Variants in SERPINB13 observed in about 807,000 individuals in gnomAD.
The protein encoded by SERPINB13 is serpin family B member 13, also known as serpin B13.
In SERPINB13, 26 loss-of-function variants were observed where a neutral mutation model predicts 31.2. That is an observed-to-expected ratio of 0.83 (90% CI 0.61 to 1.15). The LOEUF is 1.15. Among genes scored for constraint, SERPINB13 ranks in the 50% most tolerant of loss-of-function variants. The pLI, the probability that SERPINB13 is intolerant of heterozygous loss-of-function variation, is 0.00. For synonymous variants in SERPINB13, 191 were observed against 172.4 expected (o/e 1.11, Z -0.85); for missense variants, 510 against 469.4 (o/e 1.09, Z -0.80).
Position 63,597,429 on chromosome 18 carries a change from A to T in SERPINB13, c.*66A>T, listed in dbSNP as rs931215146. 1 of 1,478,610 alleles carries T rather than the reference A, an allele frequency of 6.8e-7. No individual in the cohort carries two copies. The highest frequency in any genetic ancestry group is 1.4e-5 in the African/African-American group (1 of 71,142). 91.6% of individuals were successfully genotyped at this position (1,478,610 alleles called of 1,614,324 possible). ...AACTACCAGTGTTACTCATATGATTATGAAAATCGTCCATTCTTTTAAATG... is the reference window on the plus strand; with the variant it reads ...AACTACCAGTGTTACTCATATGATTTTGAAAATCGTCCATTCTTTTAAATG... On this transcript the variant is annotated 3_prime_UTR_variant, in exon 8 of 8. Transcript: ENST00000344731.
chr18:63,596,805 C>T lies in SERPINB13; in HGVS notation c.772-154C>T, dbSNP rs569600636. ...TTTAAACAGAGAGATATAAGACAAC[C>T]GCCTGCAGTATAAAGACAACAATCT... On this transcript the variant is annotated intron_variant, in intron 7 of 7. Transcript: ENST00000344731. Among the ~76,000 whole-genome samples the T allele has an allele frequency of 3.0e-3, 461 of 152,182 alleles. 3 individuals are homozygous for T. The highest frequency in any genetic ancestry group is 0.013 in the South Asian group (62 of 4,808).
intron 2 of SERPINB13, among the ~76,000 whole-genome samples, 156 bp downstream of exon 2, chr18:63,588,988 C>T (rs1384729497): frequency 6.6e-6 from 1 of 152,120 alleles, no homozygotes; most frequent in Non-Finnish European, 1.5e-5. Flanking sequence ...TCAGGTCTAT[C>T]AGGAAAGCCC....
chr18:63,597,392 T>A lies in SERPINB13; in HGVS notation c.*29T>A. The A allele has an allele frequency of 6.4e-7, 1 of 1,571,680 alleles. No homozygotes were observed. The highest frequency in any genetic ancestry group is 1.8e-5 in the Admixed American group (1 of 54,754). On this transcript the variant is annotated 3_prime_UTR_variant, in exon 8 of 8. Coordinates refer to ENST00000344731, the MANE Select transcript of SERPINB13 (RefSeq NM_012397.4). The stretch of plus-strand genomic sequence containing the variant: ...GATCGTTGCCATGGCATTGCTGCTT[T>A]TAGCAAAAAACAACTACCAGTGTTA...
At chr18:63,592,746 C>T (rs1474293422) in intron 4 of SERPINB13, 108 bp from the exon 5 acceptor site, 3 of 790,608 alleles carry the variant, frequency 3.8e-6, no homozygotes, top group Non-Finnish European at 6.1e-6. Flanking sequence ...TAAAATTTCT[C>T]TTACTGTATT....
rs1283713668 is a variant in SERPINB13, at chr18:63,587,846, G to A, written c.-18+396G>A. 4.6e-5 allele frequency among the ~76,000 whole-genome samples: 7 copies of A among 152,286 alleles called. No individual in the cohort carries two copies. The East Asian group carries it at 9.6e-4, about 21-fold the overall frequency. On this transcript the variant is annotated intron_variant, in intron 1 of 7. Transcript: ENST00000344731. ...TAGTTTTAAAGTAGTTGGTAATGAA[G>A]CAAACATAAAAACAGTTCTACCTAT...
At chr18:63,594,188 G>A in intron 5 of SERPINB13, 167 bp from the exon 6 acceptor site, 3 of 1,524,054 alleles carry the variant, frequency 2.0e-6, no homozygotes, top group Non-Finnish European at 2.7e-6. Flanking sequence ...GGCAAAATGA[G>A]AACCTCCCCG....
rs772907006 is a variant in SERPINB13 at position 63,588,759 on chromosome 18, CT to C, written c.93del (p.Val32TrpfsTer4). 14 of 1,614,150 alleles carry C rather than the reference CT, an allele frequency of 8.7e-6. No homozygotes were observed. The East Asian group carries it at 2.9e-4, about 33-fold the overall frequency. On this transcript the variant is annotated frameshift_variant, in exon 2 of 8. Transcript: ENST00000344731. LOFTEE classifies it high-confidence loss of function. ...KTNDGNIFFS[P>X]VGILTAIGMV... ...AATGATGGCAACATCTTCTTTTCCCCTGTGGGCATCTTGACTGCAATTGGCA... is the reference window on the plus strand; with the variant it reads ...AATGATGGCAACATCTTCTTTTCCCCGTGGGCATCTTGACTGCAATTGGCA...
Position 63,597,517 on chromosome 18 carries a change from G to C in SERPINB13, c.*154G>C. The C allele has an allele frequency of 1.2e-6, 1 of 802,350 alleles. No individual in the cohort carries two copies. Among genetic ancestry groups the C allele is most frequent in the Non-Finnish European group, 1.9e-6 (1 of 516,418 alleles). 49.7% of individuals were successfully genotyped at this position (802,350 alleles called of 1,614,324 possible). A position where few individuals can be genotyped will look rare whatever the true frequency, so the allele number is the denominator to read the frequency against. On this transcript the variant is annotated 3_prime_UTR_variant, in exon 8 of 8. Transcript: ENST00000344731. ...AATGATTTAATGACTCCAATAATGTGTGTGTTTATAACCATCCTCGAAAGT... is the reference window on the plus strand; with the variant it reads ...AATGATTTAATGACTCCAATAATGTCTGTGTTTATAACCATCCTCGAAAGT...
intron 3 of SERPINB13, 70 bp from the exon 4 acceptor site, chr18:63,592,278 T>A (rs564411589): frequency 7.0e-5 from 107 of 1,529,936 alleles, no homozygotes; most frequent in Non-Finnish European, 9.1e-5. Context: ...AGCAGCCGCA[T>A]CCTCTTAGGG....
chr18:63,589,602 G>A (rs1430246036), intron 2 of SERPINB13, 54 bp from the exon 3 acceptor site: 6 of 1,593,836 alleles, frequency 3.8e-6, no homozygotes, highest in Admixed American at 1.8e-5. Flanking sequence ...GACTGATTCT[G>A]TGTGAGGTTT....
Position 63,592,884 on chromosome 18 carries a change from C to A in SERPINB13, c.385C>A (p.His129Asn), listed in dbSNP as rs771394755. 1 of 1,606,704 alleles carries A rather than the reference C, an allele frequency of 6.2e-7. No individual in the cohort carries two copies. The highest frequency in any genetic ancestry group is 8.5e-7 in the Non-Finnish European group (1 of 1,175,828). The part of the protein sequence containing the change: ...KYLDYVEKYY[H>N]ASLEPVDFVN... ...CTTAGATTATGTTGAAAAATATTAT[C>A]ATGCATCTCTGGAACCTGTTGATTT... Residue 129 changes from histidine to asparagine, a missense_variant, in exon 5 of 8, where the codon CAT becomes AAT. By Grantham distance (68) the His-to-Asn change is moderately conservative (BLOSUM62 1). Coordinates refer to ENST00000344731, the MANE Select transcript of SERPINB13 (RefSeq NM_012397.4).
At chr18:63,595,267 G>T (rs1484001661) in intron 7 of SERPINB13, 83 bp downstream of exon 7, 1 of 1,396,790 alleles carries the variant, frequency 7.2e-7, no homozygotes, top group Non-Finnish European at 9.8e-7. Flanking sequence ...CTGGTGGCCA[G>T]CAGTGTCAAA....
chr18:63,587,663 C>G (rs1020499531), intron 1 of SERPINB13, among the ~76,000 whole-genome samples: 1 of 152,224 alleles, frequency 6.6e-6, no homozygotes, highest in African/African-American at 2.4e-5. Context: ...TGCAAGGAAA[C>G]CTGAGGTTGA....
intron 1 of SERPINB13, among the ~76,000 whole-genome samples, 153 bp downstream of exon 1, chr18:63,587,603 T>C (rs1297722289): frequency 6.6e-6 from 1 of 152,262 alleles, no homozygotes; most frequent in African/African-American, 2.4e-5. Flanking sequence ...GTATCTTCTT[T>C]GACAGTAAAT....
chr18:63,592,613 G>A, intron 4 of SERPINB13, 137 bp downstream of exon 4: 1 of 953,448 alleles, frequency 1.0e-6, no homozygotes, highest in Non-Finnish European at 1.6e-6. Flanking sequence ...CTGATCTACA[G>A]ATATTCAGAA....
In SERPINB13 at chr18:63,595,029, A is replaced by G. The variant is rs1912079693; in HGVS notation, c.616A>G (p.Ser206Gly). 1 of 1,605,218 alleles carries G rather than the reference A, an allele frequency of 6.2e-7. No individual in the cohort carries two copies. Among genetic ancestry groups the G allele is most frequent in the African/African-American group, 1.3e-5 (1 of 74,320 alleles). The change falls in exon 7 of 8, where the codon AGC becomes GGC. Residue 206 changes from serine to glycine, a missense_variant and splice_region_variant. Physicochemically the swap from Ser to Gly is moderately conservative, Grantham distance 56. Transcript: ENST00000344731. ...TGTGTGCTCTGTTAATTTGTTGCAG[A>G]GCACAAGTAAATCTGTACAGATGAT... ...TKEEKFWMNK[S>G]TSKSVQMMTQ...
chr18:63,592,310 C>T (rs1231171729), intron 3 of SERPINB13, 38 bp from the exon 4 acceptor site: 1 of 1,589,050 alleles, frequency 6.3e-7, no homozygotes, highest in Non-Finnish European at 8.6e-7. Context: ...CTTGCTTTTG[C>T]CAAGATAACC....
In SERPINB13 at chr18:63,594,232, C is replaced by A. The variant is rs1298884921; in HGVS notation, c.473-123C>A. 6 of 1,550,736 alleles carry A rather than the reference C, an allele frequency of 3.9e-6. No individual in the cohort carries two copies. In the South Asian group the frequency reaches 7.1e-5, roughly 18 times the overall value. The stretch of plus-strand genomic sequence containing the variant: ...GCCAGCAAACCCTTTGTCAGCAAGG[C>A]CCTCAGGTGCTGACCTGGCTGGGTT... On this transcript the variant is annotated intron_variant, in intron 5 of 7. Coordinates refer to ENST00000344731, the MANE Select transcript of SERPINB13 (RefSeq NM_012397.4).
chr18:63,590,634 T>C (rs774538813), intron 3 of SERPINB13, among the ~76,000 whole-genome samples: 2 of 152,232 alleles, frequency 1.3e-5, no homozygotes, highest in Non-Finnish European at 1.5e-5. Context: ...TGATAGCCCA[T>C]GTAGAACCTT....
Sources: allele counts gnomAD v4.1 joint callset (sites outside exome capture counted in the v4.1 genomes callset), GRCh38; gene constraint gnomAD v4.1.1; transcripts MANE v1.5; gene names NCBI Gene and HGNC (gene_info 2026-07-23, HGNC 2026-07-21).